Variants in MIER2 observed in about 807,000 individuals in gnomAD.
MIER2 encodes the protein MIER family member 2, also known as mesoderm induction early response protein 2.
In MIER2, 30 loss-of-function variants were observed where a neutral mutation model predicts 67.6. The observed-to-expected ratio is 0.44, with a 90% CI of 0.33 to 0.60. The LOEUF is 0.60. Ranked by LOEUF, MIER2 falls within the 20% of genes least tolerant of loss-of-function variation. The probability of loss-of-function intolerance (pLI) is 0.02; values close to 1 mark genes in which losing one functional copy is unlikely to be tolerated. For synonymous variants in MIER2, 372 were observed against 312.6 expected (o/e 1.19, Z -2.00); for missense variants, 702 against 745.1 (o/e 0.94, Z 0.67).
At chr19:341,582 G>A (rs937659640) in intron 1 of MIER2, among the ~76,000 whole-genome samples, 3 of 152,114 alleles carry the variant, frequency 2.0e-5, no homozygotes, top group African/African-American at 4.8e-5. Context: ...CGCTGCCCCT[G>A]CCTGGTGTCC....
At chr19:311,990 AGCGG>A in intron 9 of MIER2, 51 bp from the exon 10 acceptor site, 7 of 1,398,468 alleles carry the variant, frequency 5.0e-6, no homozygotes, top group East Asian at 8.7e-5. Flanking sequence ...GCGGGGCCGC[AGCGG>A]AAGGAAGGCC....
At chr19:333,896 G>A (rs1033385086) in intron 3 of MIER2, among the ~76,000 whole-genome samples, 2 of 152,050 alleles carry the variant, frequency 1.3e-5, no homozygotes, top group Non-Finnish European at 2.9e-5. Flanking sequence ...GTTTCACCGT[G>A]TTAGCCAGGA....
chr19:329,022 T>A (rs1305729306), intron 3 of MIER2, among the ~76,000 whole-genome samples: 1 of 152,196 alleles, frequency 6.6e-6, no homozygotes, highest in African/African-American at 2.4e-5. Flanking sequence ...CTGTCCTCCC[T>A]TGTGTGAGCC....
chr19:314,702 T>C (rs893388003), intron 7 of MIER2, among the ~76,000 whole-genome samples: 6 of 151,722 alleles, frequency 4.0e-5, no homozygotes, highest in African/African-American at 1.2e-4. Flanking sequence ...TGAGCCCTGC[T>C]TGGACAGAGG....
chr19:343,368 G>C (rs1221634649), intron 1 of MIER2, among the ~76,000 whole-genome samples: 1 of 152,206 alleles, frequency 6.6e-6, no homozygotes, highest in African/African-American at 2.4e-5. Flanking sequence ...GGGAGACGCG[G>C]CTTCTGCCTC....
At chr19:335,488 C>T (rs542690532) in intron 2 of MIER2, among the ~76,000 whole-genome samples, 20 of 152,312 alleles carry the variant, frequency 1.3e-4, no homozygotes, top group African/African-American at 4.3e-4. Flanking sequence ...GGGATGGCAC[C>T]GCCTTCTCTG....
chr19:331,119 G>A (rs1274430884), intron 3 of MIER2, among the ~76,000 whole-genome samples: 1 of 152,070 alleles, frequency 6.6e-6, no homozygotes, highest in Non-Finnish European at 1.5e-5. Flanking sequence ...AGCATTTTGG[G>A]AGGCTGAGAT....
At chr19:327,523 T>C (rs1391791172) in intron 4 of MIER2, among the ~76,000 whole-genome samples, 1 of 152,204 alleles carries the variant, frequency 6.6e-6, no homozygotes, top group Non-Finnish European at 1.5e-5. Flanking sequence ...TGACTGTGCA[T>C]TTGGTTTTAA....
chr19:311,723 G>C, intron 10 of MIER2, 122 bp downstream of exon 10: 1 of 858,004 alleles, frequency 1.2e-6, no homozygotes, highest in Non-Finnish European at 1.8e-6. Context: ...CACACGGTGA[G>C]GAGGCGGACA....
At chr19:338,409 T>C (rs1443627658) in intron 1 of MIER2, among the ~76,000 whole-genome samples, 2 of 123,404 alleles carry the variant, frequency 1.6e-5, no homozygotes, top group African/African-American at 7.6e-5. Flanking sequence ...TACAGTACTC[T>C]GAGTGAACAA....
intron 10 of MIER2, among the ~76,000 whole-genome samples, chr19:310,049 C>CGCACACAAGGCTTCAGGGAG (rs1204567722): frequency 2.9e-5 from 4 of 138,594 alleles, no homozygotes; most frequent in African/African-American, 1.2e-4. Flanking sequence ...CACACACACA[C>CGCACACAAGGCTTCAGGGAG]ACGCACACAA....
intron 7 of MIER2, among the ~76,000 whole-genome samples, chr19:314,542 C>T (rs73916878): frequency 0.023 from 3,563 of 152,252 alleles, 124 homozygotes; most frequent in African/African-American, 0.08. Context: ...CAGCTCCACA[C>T]GGGAGTCTCC....
intron 3 of MIER2, among the ~76,000 whole-genome samples, chr19:328,923 CAAG>C (rs1189810161): frequency 6.6e-6 from 1 of 152,156 alleles, no homozygotes; most frequent in Non-Finnish European, 1.5e-5. Flanking sequence ...TGTAATATGA[CAAG>C]AAGTATAAAT....
At chr19:326,218 C>G (rs1443756146) in intron 6 of MIER2, among the ~76,000 whole-genome samples, 1 of 149,810 alleles carries the variant, frequency 6.7e-6, no homozygotes, top group Non-Finnish European at 1.5e-5. Flanking sequence ...GAGCCACGGT[C>G]GGGATGCCAG....
intron 7 of MIER2, among the ~76,000 whole-genome samples, chr19:316,285 T>C (rs1280098241): frequency 6.6e-6 from 1 of 151,086 alleles, no homozygotes; most frequent in African/African-American, 2.5e-5. Context: ...GTTATCATCT[T>C]GTGATATGTA....
intron 7 of MIER2, among the ~76,000 whole-genome samples, chr19:321,566 T>C (rs1971178): frequency 0.74 from 112,962 of 151,868 alleles, 42,296 homozygotes; most frequent in African/African-American, 0.82. Flanking sequence ...ACTGCTTGAA[T>C]CCAGGAGGCG....
chr19:320,333 T>C (rs915941259), intron 7 of MIER2, among the ~76,000 whole-genome samples: 1 of 151,926 alleles, frequency 6.6e-6, no homozygotes, highest in African/African-American at 2.4e-5. Context: ...TGAGCCAAGA[T>C]TGCGCCACGG....
chr19:336,172 G>A lies in MIER2; in HGVS notation c.11C>T (p.Ala4Val). MAEASSLGRQSPRV... is the reference protein window; with the variant it reads MAEVSSLGRQSPRV... The stretch of plus-strand genomic sequence containing the variant: ...AGGACTCTGCCTCCCCAGCGAGGAG[G>A]CCTGCGAAGGAAGAGAGGCAGGGTT... The change falls in exon 2 of 14, where the codon GCC (alanine) becomes GTC (valine). Residue 4 changes from alanine to valine, a missense_variant and splice_region_variant. Transcript: ENST00000264819. 2 of 1,612,562 alleles carry A rather than the reference G, an allele frequency of 1.2e-6. No individual in the cohort carries two copies. Among genetic ancestry groups the A allele is most frequent in the Middle Eastern group, 1.7e-4 (1 of 5,956 alleles).
At position 336,067 on chromosome 19, in the gene MIER2, G is replaced by T; in HGVS notation, c.100+16C>A. 1 of 1,611,784 alleles carries T rather than the reference G, an allele frequency of 6.2e-7. No individual in the cohort carries two copies. Among genetic ancestry groups the T allele is most frequent in the Non-Finnish European group, 8.5e-7 (1 of 1,178,216 alleles). ...GCCTTGGCGGACCTGAGCAGGGGAA[G>T]GAGGGAGGAAGGTACCTGCTGTTGT... On this transcript the variant is annotated intron_variant, in intron 2 of 13. Coordinates refer to ENST00000264819, the MANE Select transcript of MIER2 (RefSeq NM_017550.3).
Sources: gnomAD v4.1 joint callset for allele counts (sites outside exome capture counted in the v4.1 genomes callset) on GRCh38, gnomAD v4.1.1 for gene constraint, MANE v1.5 for transcripts, NCBI Gene and HGNC (gene_info 2026-07-23, HGNC 2026-07-21) for gene names.